The following DLGAP2 variants were observed in gnomAD, a reference collection of about 807,000 sequenced individuals.
DLGAP2 encodes DLG associated protein 2.
A neutral mutation model predicts 100.3 loss-of-function variants in DLGAP2; 26 were observed. The ratio of observed to expected loss-of-function variants is 0.26; its 90% CI spans 0.19 to 0.36. The LOEUF (loss-of-function observed/expected upper bound fraction) is 0.36, where lower values mean the gene tolerates loss of function less well. DLGAP2 is among the 10% of genes least tolerant of loss of function. The pLI is 1.00. For synonymous variants in DLGAP2, 886 were observed against 630.1 expected, an observed-to-expected ratio of 1.41 and a Z score of -6.08; for missense variants, 1,858 against 1,453.2, an observed-to-expected ratio of 1.28 and a Z score of -4.53.
At chr8:1,547,577 C>T (rs949028632) in intron 4 of DLGAP2, among the ~76,000 whole-genome samples, 15 of 152,122 alleles carry the variant, frequency 9.9e-5, no homozygotes, top group African/African-American at 2.4e-5. Context: ...AGCAACAGGC[C>T]GTGGAGCTGG....
chr8:942,657 T>C (rs1415162187), intron 2 of DLGAP2, among the ~76,000 whole-genome samples: 1 of 152,198 alleles, frequency 6.6e-6, no homozygotes, highest in African/African-American at 2.4e-5. Flanking sequence ...CAAAGAAAGC[T>C]TTCATCGTAT....
At chr8:1,412,610 G>A (rs1297231199) in intron 3 of DLGAP2, among the ~76,000 whole-genome samples, 1 of 152,200 alleles carries the variant, frequency 6.6e-6, no homozygotes, top group African/African-American at 2.4e-5. Flanking sequence ...CTGCCTCAGT[G>A]TCCTCTTCTG....
intron 1 of DLGAP2, among the ~76,000 whole-genome samples, chr8:795,587 G>A (rs959839210): frequency 1.2e-4 from 17 of 147,608 alleles, no homozygotes; most frequent in East Asian, 2.0e-4. Flanking sequence ...ATTGTGCATC[G>A]GAGACTCACA....
At chr8:1,195,234 A>G (rs919910955) in intron 2 of DLGAP2, among the ~76,000 whole-genome samples, 4 of 152,228 alleles carry the variant, frequency 2.6e-5, no homozygotes, top group Admixed American at 2.6e-4. Flanking sequence ...GCTGGTGTCC[A>G]GGACAGGCCT....
intron 1 of DLGAP2, among the ~76,000 whole-genome samples, chr8:802,126 G>A (rs1176868984): frequency 2.6e-3 from 378 of 143,832 alleles, no homozygotes; most frequent in East Asian, 9.0e-3. Flanking sequence ...TGGGCCCTCC[G>A]TCCTCACGGC....
intron 4 of DLGAP2, among the ~76,000 whole-genome samples, chr8:1,509,211 A>T (rs1800066425): frequency 6.6e-6 from 1 of 151,932 alleles, no homozygotes; most frequent in Non-Finnish European, 1.5e-5. Context: ...GGCGCCTGTA[A>T]TCCCAGCTAC....
At chr8:1,062,261 G>T (rs778646397) in intron 2 of DLGAP2, among the ~76,000 whole-genome samples, 4 of 152,166 alleles carry the variant, frequency 2.6e-5, no homozygotes, top group African/African-American at 9.7e-5. Flanking sequence ...GCCATGCATC[G>T]CAGTCCTGTG....
chr8:1,051,218 T>C (rs1802700231), intron 2 of DLGAP2, among the ~76,000 whole-genome samples: 1 of 152,048 alleles, frequency 6.6e-6, no homozygotes, highest in Non-Finnish European at 1.5e-5. Context: ...TGAGTTGACT[T>C]TATCCCAGAA....
intron 12 of DLGAP2, among the ~76,000 whole-genome samples, chr8:1,682,479 A>AC (rs112256636): frequency 1.5e-4 from 22 of 148,338 alleles, no homozygotes; most frequent in African/African-American, 5.4e-4. Context: ...GATATATAGT[A>AC]TTTTTTTTTT....
chr8:903,450 G>C (rs1798303998), intron 1 of DLGAP2, among the ~76,000 whole-genome samples: 1 of 152,148 alleles, frequency 6.6e-6, no homozygotes. Flanking sequence ...GCCACAACAG[G>C]CCTGTGTATT....
intron 3 of DLGAP2, among the ~76,000 whole-genome samples, chr8:1,428,628 A>G (rs1451282280): frequency 6.6e-6 from 1 of 152,256 alleles, no homozygotes; most frequent in African/African-American, 2.4e-5. Context: ...AAGTATGCCT[A>G]TGTATACCTA....
rs189179883 is a variant in DLGAP2, at chr8:1,256,659, G to A, written c.74-2192G>A. On this transcript the variant is annotated intron_variant, in intron 2 of 14. Transcript: ENST00000637795. ...GCGCCTCCTGCAATCAGATGCCCGCGTGGGGAGTCTCACCTTGGAAACTGA... is the reference window on the plus strand; with the variant it reads ...GCGCCTCCTGCAATCAGATGCCCGCATGGGGAGTCTCACCTTGGAAACTGA... 7.2e-4 allele frequency among the ~76,000 whole-genome samples: 109 copies of A among 152,294 alleles called. 1 individual carries two copies. Among genetic ancestry groups the A allele is most frequent in the Admixed American group, 4.4e-3 (67 of 15,300 alleles).
intron 6 of DLGAP2, among the ~76,000 whole-genome samples, chr8:1,614,734 A>G (rs1042274421): frequency 4.6e-5 from 7 of 152,224 alleles, no homozygotes; most frequent in African/African-American, 1.7e-4. Context: ...ACGATTTTTT[A>G]AAATGTAATA....
At chr8:1,444,237 C>CT (rs1797918773) in intron 3 of DLGAP2, among the ~76,000 whole-genome samples, 2 of 152,190 alleles carry the variant, frequency 1.3e-5, no homozygotes. Flanking sequence ...AGGCATGAGT[C>CT]ACTGCACCCG....
At chr8:1,179,167 C>G (rs749963987) in intron 2 of DLGAP2, among the ~76,000 whole-genome samples, 50 of 152,258 alleles carry the variant, frequency 3.3e-4, no homozygotes, top group Non-Finnish European at 6.3e-4. Flanking sequence ...TTTAATCCCT[C>G]AAGTGCCCAA....
chr8:1,022,994 A>T (rs560055171), intron 2 of DLGAP2, among the ~76,000 whole-genome samples: 1 of 152,350 alleles, frequency 6.6e-6, no homozygotes, highest in African/African-American at 2.4e-5. Flanking sequence ...TATGAAGAAC[A>T]TTAAACTCGC....
chr8:816,274 G>GT (rs1796475858), intron 1 of DLGAP2, among the ~76,000 whole-genome samples: 2 of 97,150 alleles, frequency 2.1e-5, no homozygotes, highest in Non-Finnish European at 2.1e-5. Context: ...GAATACCTTG[G>GT]GTTTTTTTTT....
chr8:1,330,230 G>C (rs1801117685), intron 3 of DLGAP2, among the ~76,000 whole-genome samples: 2 of 151,470 alleles, frequency 1.3e-5, no homozygotes. Flanking sequence ...CACAGGGACT[G>C]AGTTCTGGGT....
At chr8:1,007,610 C>T (rs191243475) in intron 2 of DLGAP2, among the ~76,000 whole-genome samples, 464 of 139,368 alleles carry the variant, frequency 3.3e-3, no homozygotes, top group Non-Finnish European at 5.1e-3. Context: ...CAGTGGTGGT[C>T]TTCTCTATGG....
Sources: allele counts gnomAD v4.1 joint callset (sites outside exome capture counted in the v4.1 genomes callset), GRCh38; gene constraint gnomAD v4.1.1; transcripts MANE v1.5; gene names NCBI Gene and HGNC (gene_info 2026-07-23, HGNC 2026-07-21).